The following PARD3 variants were observed in gnomAD, a reference collection of about 807,000 sequenced individuals.
The protein encoded by PARD3 is par-3 family cell polarity regulator, also known as partitioning defective 3 homolog.
In PARD3, 75 loss-of-function variants were observed where a neutral mutation model predicts 155.4. That is an observed-to-expected ratio of 0.48 (90% CI 0.40 to 0.58). The LOEUF (loss-of-function observed/expected upper bound fraction) is 0.58, where lower values mean the gene tolerates loss of function less well. Among genes scored for constraint, PARD3 ranks in the 20% least tolerant of loss-of-function variants. The pLI is 0.00. For synonymous variants in PARD3, 576 were observed against 610.5 expected (o/e 0.94, Z 0.83); for missense variants, 1,642 against 1,721.7 (o/e 0.95, Z 0.82).
intron 1 of PARD3, among the ~76,000 whole-genome samples, chr10:34,778,322 G>A (rs1228968798): frequency 1.3e-5 from 2 of 152,170 alleles, no homozygotes; most frequent in Non-Finnish European, 2.9e-5. Context: ...TCGGGCCAAG[G>A]ACAGAAATGA....
chr10:34,308,144 G>T (rs551462244), intron 20 of PARD3, among the ~76,000 whole-genome samples: 239 of 150,298 alleles, frequency 1.6e-3, no homozygotes, highest in African/African-American at 5.4e-3. Flanking sequence ...AGGAAAGAGC[G>T]GTAGGGACAA....
intron 1 of PARD3, among the ~76,000 whole-genome samples, chr10:34,711,913 A>C (rs536774582): frequency 3.3e-5 from 5 of 152,122 alleles, no homozygotes; most frequent in Non-Finnish European, 5.9e-5. Context: ...ACATTCCAGG[A>C]AACATTTCAG....
intron 3 of PARD3, among the ~76,000 whole-genome samples, chr10:34,480,310 A>T (rs1471641186): frequency 1.3e-5 from 2 of 152,122 alleles, no homozygotes; most frequent in African/African-American, 4.8e-5. Flanking sequence ...ATCACAGCTC[A>T]CTGCAGCCTG....
intron 2 of PARD3, among the ~76,000 whole-genome samples, chr10:34,651,107 C>T (rs891249938): frequency 6.1e-5 from 9 of 147,804 alleles, no homozygotes; most frequent in African/African-American, 2.2e-4. Flanking sequence ...GAAGGAATCA[C>T]AGCCGCCCGC....
chr10:34,517,119 C>A lies in PARD3; in HGVS notation c.263G>T (p.Gly88Val), dbSNP rs763035823. Residue 88 changes from glycine (G) to valine (V), a missense_variant, in exon 3 of 25, where the codon GGT (glycine) becomes GTT (valine). Physicochemically the swap from Gly to Val is moderately radical, Grantham distance 109 (BLOSUM62 -3). Transcript: ENST00000374788. Reference sequence around the variant, plus strand: ...CGTGGAACTGGCACTGGTGCCATCACCTCCGTGATGTGGATCCTGCTCATC... The same window carrying A: ...CGTGGAACTGGCACTGGTGCCATCAACTCCGTGATGTGGATCCTGCTCATC... ...VFDEQDPHHG[G>V]DGTSASSTGT... is the part of the protein sequence containing the mutation. 6.2e-7 allele frequency: 1 copy of A among 1,614,180 alleles called. No individual in the cohort carries two copies. The highest frequency in any genetic ancestry group is 8.5e-7 in the Non-Finnish European group (1 of 1,180,028).
At chr10:34,352,409 T>A (rs915039607) in intron 14 of PARD3, among the ~76,000 whole-genome samples, 1 of 152,214 alleles carries the variant, frequency 6.6e-6, no homozygotes, top group Non-Finnish European at 1.5e-5. Flanking sequence ...GAGGCTGGAC[T>A]GTACTGCTGC....
chr10:34,235,223 C>T (rs1265436406), intron 22 of PARD3, among the ~76,000 whole-genome samples: 1 of 152,070 alleles, frequency 6.6e-6, no homozygotes, highest in African/African-American at 2.4e-5. Context: ...TGTTATAGAA[C>T]TATAAAAGCT....
At chr10:34,689,211 A>G (rs1291866221) in intron 2 of PARD3, among the ~76,000 whole-genome samples, 1 of 152,226 alleles carries the variant, frequency 6.6e-6, no homozygotes, top group Non-Finnish European at 1.5e-5. Context: ...CAGCTGCCAA[A>G]AATAGTTGAA....
intron 3 of PARD3, among the ~76,000 whole-genome samples, chr10:34,490,492 T>G (rs963299567): frequency 6.6e-6 from 1 of 152,146 alleles, no homozygotes; most frequent in Non-Finnish European, 1.5e-5. Context: ...TTAACAGAAA[T>G]GCGTTGGGTG....
chr10:34,751,361 T>C (rs1221327112), intron 1 of PARD3, among the ~76,000 whole-genome samples: 1 of 152,210 alleles, frequency 6.6e-6, no homozygotes, highest in Admixed American at 6.5e-5. Context: ...AGCAACTCCA[T>C]CTCAGATATT....
intron 2 of PARD3, among the ~76,000 whole-genome samples, chr10:34,591,593 CTT>C (rs1031525944): frequency 3.3e-5 from 5 of 152,128 alleles, no homozygotes; most frequent in Non-Finnish European, 2.9e-5. Context: ...TCAGGGGAGA[CTT>C]TTCTGAGCAT....
intron 2 of PARD3, among the ~76,000 whole-genome samples, chr10:34,669,787 A>AG (rs2093575537): frequency 6.6e-6 from 1 of 152,188 alleles, no homozygotes; most frequent in Non-Finnish European, 1.5e-5. Context: ...TTAAAAAAAA[A>AG]TTTAAGGTAT....
intron 5 of PARD3, among the ~76,000 whole-genome samples, chr10:34,427,529 A>G (rs749189943): frequency 1.3e-5 from 2 of 152,176 alleles, no homozygotes; most frequent in Non-Finnish European, 2.9e-5. Context: ...ACAGCGGGAC[A>G]TGGAAGTTCA....
intron 16 of PARD3, among the ~76,000 whole-genome samples, chr10:34,340,852 T>C (rs1419101370): frequency 6.6e-6 from 1 of 152,176 alleles, no homozygotes; most frequent in Non-Finnish European, 1.5e-5. Context: ...CATTTAAATA[T>C]GATTTTGCTG....
intron 22 of PARD3, among the ~76,000 whole-genome samples, chr10:34,224,290 T>G (rs1372746895): frequency 1.3e-5 from 2 of 152,222 alleles, no homozygotes. Flanking sequence ...ACTTCTCAGC[T>G]GGACTGGCAA....
At chr10:34,573,788 G>C (rs897405065) in intron 2 of PARD3, among the ~76,000 whole-genome samples, 1 of 146,430 alleles carries the variant, frequency 6.8e-6, no homozygotes, top group East Asian at 2.0e-4. Flanking sequence ...CACACACAGA[G>C]AATCAGCCTC....
rs1197484505 is a variant in PARD3 at position 34,111,353 on chromosome 10, T to C, written c.3878A>G (p.Gln1293Arg). ...LLRQEQRRKE[Q>R]QMKKQPPSEG... is the part of the protein sequence containing the mutation. Reference sequence around the variant, plus strand: ...GGAAGGAGGCTGCTTCTTCATCTGCTGCTCCTTCCGCCTCTGTTCCTGGCG... The same window carrying C: ...GGAAGGAGGCTGCTTCTTCATCTGCCGCTCCTTCCGCCTCTGTTCCTGGCG... The change falls in exon 25 of 25, where the codon CAG (glutamine) becomes CGG (arginine). Residue 1293 changes from glutamine to arginine, a missense_variant. Gln to Arg is a conservative substitution (Grantham distance 43). Coordinates refer to ENST00000374788, the MANE Select transcript of PARD3 (RefSeq NM_001184785.2). 6.2e-7 allele frequency: 1 copy of C among 1,614,026 alleles called. No individual in the cohort carries two copies. Among genetic ancestry groups the C allele is most frequent in the Non-Finnish European group, 8.5e-7 (1 of 1,179,902 alleles).
intron 2 of PARD3, among the ~76,000 whole-genome samples, chr10:34,659,413 A>G (rs1313207358): frequency 6.6e-6 from 1 of 152,164 alleles, no homozygotes; most frequent in East Asian, 1.9e-4. Context: ...GTAATTATTA[A>G]TCTTCGCCAA....
At chr10:34,265,272 A>C (rs1955243454) in intron 22 of PARD3, among the ~76,000 whole-genome samples, 1 of 152,264 alleles carries the variant, frequency 6.6e-6, no homozygotes. Context: ...ATGCTATCTT[A>C]TAAAAAGCAT....
Sources: gnomAD v4.1 joint callset for allele counts (sites outside exome capture counted in the v4.1 genomes callset) on GRCh38, gnomAD v4.1.1 for gene constraint, MANE v1.5 for transcripts, NCBI Gene and HGNC (gene_info 2026-07-23, HGNC 2026-07-21) for gene names.